CSMD1: variants seen among roughly 807,000 people sequenced by gnomAD.
CSMD1 encodes CUB and sushi domain-containing protein 1.
In CSMD1, 213 loss-of-function variants were observed where a neutral mutation model predicts 417.5. The observed-to-expected ratio is 0.51, with a 90% CI of 0.46 to 0.57. The LOEUF (loss-of-function observed/expected upper bound fraction) is 0.57. CSMD1 is among the 20% of genes least tolerant of loss of function. The pLI, the probability that CSMD1 is intolerant of heterozygous loss-of-function variation, is 0.00. For synonymous variants in CSMD1, 2,862 were observed against 1,736.8 expected (o/e 1.65, Z -16.11); for missense variants, 6,923 against 4,529.7 (o/e 1.53, Z -15.17).
intron 1 of CSMD1, among the ~76,000 whole-genome samples, chr8:4,971,334 T>TA (rs1810224278): frequency 6.6e-6 from 1 of 152,040 alleles, no homozygotes; most frequent in African/African-American, 2.4e-5. Context: ...ACTCTGATAC[T>TA]AAAAAATAAT....
intron 10 of CSMD1, among the ~76,000 whole-genome samples, chr8:3,543,554 G>A (rs1395441827): frequency 6.6e-6 from 1 of 151,958 alleles, no homozygotes. Flanking sequence ...AATGAACAGA[G>A]TGTATGGGTC....
At chr8:4,934,234 C>A (rs1249859795) in intron 1 of CSMD1, among the ~76,000 whole-genome samples, 1 of 152,110 alleles carries the variant, frequency 6.6e-6, no homozygotes, top group African/African-American at 2.4e-5. Flanking sequence ...ATCCAGACAT[C>A]CCCCAAGGCA....
At chr8:4,502,671 T>C (rs1250525396) in intron 2 of CSMD1, among the ~76,000 whole-genome samples, 1 of 152,194 alleles carries the variant, frequency 6.6e-6, no homozygotes, top group African/African-American at 2.4e-5. Flanking sequence ...GCATTTCTTG[T>C]TGAGTTTTCT....
At chr8:3,199,539 A>G (rs977366219) in intron 33 of CSMD1, among the ~76,000 whole-genome samples, 175 bp downstream of exon 33, 2 of 152,188 alleles carry the variant, frequency 1.3e-5, no homozygotes, top group African/African-American at 4.8e-5. Context: ...CAACTGTCAA[A>G]AAATTGTAAT....
intron 8 of CSMD1, among the ~76,000 whole-genome samples, chr8:3,591,374 C>G (rs1800837028): frequency 6.6e-6 from 1 of 152,182 alleles, no homozygotes; most frequent in Admixed American, 6.5e-5. Context: ...AAGACTCTTT[C>G]TAAGTGAGTA....
At chr8:3,567,485 AAAAGGAAG>A (rs2116900062) in intron 10 of CSMD1, among the ~76,000 whole-genome samples, 1 of 149,444 alleles carries the variant, frequency 6.7e-6, no homozygotes, top group East Asian at 2.0e-4. Context: ...AAAAAACAAC[AAAAGGAAG>A]AAAGGAAGGA....
chr8:4,674,602 A>G (rs1805556845), intron 1 of CSMD1, among the ~76,000 whole-genome samples: 2 of 152,314 alleles, frequency 1.3e-5, no homozygotes, highest in Admixed American at 1.3e-4. Context: ...GCTTTGGTGC[A>G]AATCAGGAAC....
chr8:4,645,689 A>T (rs1034130363), intron 1 of CSMD1, among the ~76,000 whole-genome samples: 5 of 152,074 alleles, frequency 3.3e-5, no homozygotes, highest in African/African-American at 1.2e-4. Flanking sequence ...AAAGATGATT[A>T]TTGTCATTTT....
intron 1 of CSMD1, among the ~76,000 whole-genome samples, chr8:4,749,967 C>G (rs969458827): frequency 6.6e-6 from 1 of 151,838 alleles, no homozygotes; most frequent in African/African-American, 2.4e-5. Context: ...CCTCAAGTGC[C>G]TGTTTAATAA....
Position 4,067,842 on chromosome 8 carries a change from G to A in CSMD1, c.416-35743C>T, listed in dbSNP as rs1277494149. ...GTCTGTGATCCCAACACTTTGGGAG[G>A]CCGAGGTGGGCGGATCATGAGGTCA... On this transcript the variant is annotated intron_variant, in intron 3 of 69. Coordinates refer to ENST00000635120, the MANE Select transcript of CSMD1 (RefSeq NM_033225.6). Among the ~76,000 whole-genome samples, 3 of 152,278 alleles carry A rather than the reference G, an allele frequency of 2.0e-5. No individual in the cohort carries two copies. The East Asian group carries it at 5.8e-4, about 29-fold the overall frequency.
intron 54 of CSMD1, among the ~76,000 whole-genome samples, chr8:2,996,109 A>G (rs1243128112): frequency 6.6e-6 from 1 of 152,200 alleles, no homozygotes; most frequent in Admixed American, 6.5e-5. Flanking sequence ...ATCTACAGTT[A>G]TCTCAAAATG....
At chr8:4,146,594 ATTTTTTTTTT>A (rs71205423) in intron 3 of CSMD1, among the ~76,000 whole-genome samples, 194 of 64,232 alleles carry the variant, frequency 3.0e-3, no homozygotes, top group Middle Eastern at 0.017. Context: ...ATATGGACAC[ATTTTTTTTTT>A]TTTTTTTTTT....
At chr8:3,471,228 A>G (rs1817077366) in intron 11 of CSMD1, among the ~76,000 whole-genome samples, 1 of 152,194 alleles carries the variant, frequency 6.6e-6, no homozygotes, top group Admixed American at 6.5e-5. Flanking sequence ...ACTAATGGGT[A>G]ATGATGTACA....
intron 2 of CSMD1, among the ~76,000 whole-genome samples, chr8:4,519,298 G>C (rs1243684720): frequency 6.6e-6 from 1 of 151,856 alleles, no homozygotes; most frequent in African/African-American, 2.4e-5. Flanking sequence ...TTAAATGGAA[G>C]AGTACCTAAA....
chr8:4,656,975 C>A (rs1399435526), intron 1 of CSMD1, among the ~76,000 whole-genome samples: 1 of 152,060 alleles, frequency 6.6e-6, no homozygotes, highest in East Asian at 1.9e-4. Context: ...TCACATGAGG[C>A]ACAAGAGATG....
At chr8:3,295,018 C>T (rs747618648) in intron 25 of CSMD1, among the ~76,000 whole-genome samples, 2 of 152,104 alleles carry the variant, frequency 1.3e-5, no homozygotes, top group Non-Finnish European at 2.9e-5. Context: ...TATTTGTATT[C>T]CTAAACAATA....
chr8:3,922,425 T>C (rs189783395), intron 5 of CSMD1, among the ~76,000 whole-genome samples: 2 of 152,246 alleles, frequency 1.3e-5, no homozygotes. Context: ...ATTAAACTTC[T>C]TGGACTGTTT....
intron 3 of CSMD1, among the ~76,000 whole-genome samples, chr8:4,297,538 A>G (rs1171412797): frequency 1.3e-5 from 2 of 152,178 alleles, no homozygotes; most frequent in South Asian, 2.1e-4. Context: ...AACCCCTCAC[A>G]TATGATCAAT....
chr8:3,754,688 C>T (rs1418738769), intron 5 of CSMD1, among the ~76,000 whole-genome samples: 1 of 152,214 alleles, frequency 6.6e-6, no homozygotes, highest in Non-Finnish European at 1.5e-5. Flanking sequence ...CTTGTGACCT[C>T]AGGTGATCTG....
Sources: gnomAD v4.1 joint callset for allele counts (sites outside exome capture counted in the v4.1 genomes callset) on GRCh38, gnomAD v4.1.1 for gene constraint, MANE v1.5 for transcripts, NCBI Gene and HGNC (gene_info 2026-07-23, HGNC 2026-07-21) for gene names.